TOMM34: variants seen among roughly 807,000 people sequenced by gnomAD.
TOMM34 encodes mitochondrial import receptor subunit TOM34.
In TOMM34, 24 loss-of-function variants were observed where a neutral mutation model predicts 37.4. The ratio of observed to expected loss-of-function variants is 0.64; its 90% confidence interval spans 0.46 to 0.90. The LOEUF (loss-of-function observed/expected upper bound fraction) is 0.90, where lower values mean the gene tolerates loss of function less well. Ranked by LOEUF, TOMM34 falls within the 40% of genes least tolerant of loss-of-function variation. TOMM34 has a pLI of 0.00. For synonymous variants in TOMM34, 154 were observed against 148.9 expected, an observed-to-expected ratio of 1.03 and a Z score of -0.25; for missense variants, 304 against 375.6, an observed-to-expected ratio of 0.81 and a Z score of 1.58.
At chr20:44,950,487 G>A (rs2067016768) in intron 4 of TOMM34, among the ~76,000 whole-genome samples, 1 of 152,218 alleles carries the variant, frequency 6.6e-6, no homozygotes, top group Non-Finnish European at 1.5e-5. Flanking sequence ...GGCCAAGACT[G>A]TCCTCTGTGT....
chr20:44,950,563 T>C (rs2067017563), intron 4 of TOMM34, among the ~76,000 whole-genome samples: 1 of 152,156 alleles, frequency 6.6e-6, no homozygotes, highest in Non-Finnish European at 1.5e-5. Context: ...ATGAAATCAA[T>C]GGTAGGTGCA....
intron 5 of TOMM34, among the ~76,000 whole-genome samples, chr20:44,947,452 G>T (rs1432041343): frequency 6.6e-6 from 1 of 152,186 alleles, no homozygotes; most frequent in Non-Finnish European, 1.5e-5. Context: ...CCCAGACACT[G>T]CTGGGGTGTT....
At chr20:44,958,326 T>A in intron 1 of TOMM34, 2 of 471,022 alleles carry the variant, frequency 4.2e-6, no homozygotes, top group Non-Finnish European at 8.8e-6. Context: ...TTTCCCCTCT[T>A]GTTTTGCCAG....
intron 4 of TOMM34, among the ~76,000 whole-genome samples, chr20:44,949,869 T>C (rs2067011704): frequency 6.6e-6 from 1 of 152,216 alleles, no homozygotes; most frequent in Non-Finnish European, 1.5e-5. Context: ...TTACTTTGTT[T>C]TTGAACTTCA....
intron 5 of TOMM34, 148 bp downstream of exon 5, chr20:44,948,582 G>T: frequency 3.0e-6 from 3 of 987,762 alleles, no homozygotes; most frequent in Non-Finnish European, 2.9e-6. Flanking sequence ...AATGCCACTG[G>T]TCATGGCTAG....
chr20:44,952,749 A>G, intron 3 of TOMM34: 1 of 710,816 alleles, frequency 1.4e-6, no homozygotes, highest in Non-Finnish European at 2.6e-6. Context: ...TTATGTGTTG[A>G]ATGAGTGAAT....
intron 3 of TOMM34, among the ~76,000 whole-genome samples, chr20:44,954,052 A>G (rs1216931286): frequency 6.6e-6 from 1 of 152,172 alleles, no homozygotes; most frequent in Admixed American, 6.5e-5. Flanking sequence ...GTGATCTGTC[A>G]CACTTGCTCA....
At chr20:44,944,792 C>T (rs2066966523) in intron 5 of TOMM34, among the ~76,000 whole-genome samples, 1 of 152,210 alleles carries the variant, frequency 6.6e-6, no homozygotes, top group Admixed American at 6.5e-5. Context: ...TACAACTGTA[C>T]CAACTTTGGG....
At position 44,956,260 on chromosome 20, in the gene TOMM34, G is replaced by A. The variant is rs995269751; in HGVS notation, c.227+126C>T. Reference sequence around the variant, plus strand: ...TCTCAGTGACCTGGTGAAACTCAGTGACACTTTCTTAATATCTGTCCCAGA... The same window carrying A: ...TCTCAGTGACCTGGTGAAACTCAGTAACACTTTCTTAATATCTGTCCCAGA... On this transcript the variant is annotated intron_variant, in intron 2 of 6. Coordinates refer to ENST00000372813, the MANE Select transcript of TOMM34 (RefSeq NM_006809.5). 36 of 932,656 alleles carry A rather than the reference G, an allele frequency of 3.9e-5. No homozygotes were observed. The African/African-American group carries it at 5.3e-4, about 14-fold the overall frequency. The allele number at this position is 932,656 out of a possible 1,614,324, so 57.8% of individuals were successfully genotyped here.
chr20:44,959,819 C>A (rs1186940413), intron 1 of TOMM34: 12 of 577,664 alleles, frequency 2.1e-5, no homozygotes, highest in Non-Finnish European at 2.6e-5. Context: ...CTTACTGACT[C>A]GCTTAAGACT....
chr20:44,942,745 G>A lies in TOMM34; in HGVS notation c.*364C>T. ...TGAACTGCAGTGAGTTGGGGTCTGG[G>A]GAAGCTACAAGGGCAGCACTCAGTC... On this transcript the variant is annotated 3_prime_UTR_variant, in exon 7 of 7. Transcript: ENST00000372813. The A allele has an allele frequency of 3.7e-6, 1 of 267,528 alleles. No individual in the cohort carries two copies. The highest frequency in any genetic ancestry group is 5.9e-5 in the South Asian group (1 of 16,898). The allele number at this position is 267,528 out of a possible 1,614,324, so 16.6% of individuals were successfully genotyped here. A position where few individuals can be genotyped will look rare whatever the true frequency, so the allele number is the denominator to read the frequency against.
At chr20:44,947,676 T>G (rs2066992077) in intron 5 of TOMM34, among the ~76,000 whole-genome samples, 1 of 152,186 alleles carries the variant, frequency 6.6e-6, no homozygotes, top group African/African-American at 2.4e-5. Flanking sequence ...TTTTTTGTAT[T>G]TTTAGTAGAG....
chr20:44,959,412 G>A (rs369547296), intron 1 of TOMM34, among the ~76,000 whole-genome samples: 20 of 152,148 alleles, frequency 1.3e-4, no homozygotes, highest in East Asian at 7.7e-4. Flanking sequence ...CTATTCTTCT[G>A]TTTCAAACTC....
intron 3 of TOMM34, among the ~76,000 whole-genome samples, chr20:44,953,893 A>C (rs1401891591): frequency 6.6e-6 from 1 of 152,080 alleles, no homozygotes; most frequent in Non-Finnish European, 1.5e-5. Context: ...ATGTTGCTCC[A>C]CTGCTAAAGA....
chr20:44,956,678 T>C (rs1377812200), intron 1 of TOMM34, among the ~76,000 whole-genome samples, 193 bp from the exon 2 acceptor site: 10 of 152,184 alleles, frequency 6.6e-5, no homozygotes, highest in Admixed American at 6.5e-4. Flanking sequence ...CTGCGCTTTT[T>C]GCCATTCAAA....
intron 3 of TOMM34, among the ~76,000 whole-genome samples, chr20:44,952,486 C>T (rs1300807000): frequency 1.3e-5 from 2 of 152,152 alleles, no homozygotes; most frequent in East Asian, 1.9e-4. Context: ...ATCTGGTCCC[C>T]ACCCCTTCCT....
At position 44,960,265 on chromosome 20, in the gene TOMM34, G is replaced by T. The variant is rs746123677; in HGVS notation, c.69C>A (p.Gly23=). Residue 23 remains glycine, a synonymous_variant, in exon 1 of 7, where the codon GGC becomes GGA. Coordinates refer to ENST00000372813, the MANE Select transcript of TOMM34 (RefSeq NM_006809.5). ...AGAGCGCGGAGGCCTCGGCGTACTG[G>T]CCGTTGCGGAAACTCTCATTGCCGG... ...RAAGNESFRN[G]QYAEASALYG... 1.3e-6 allele frequency: 2 copies of T among 1,575,988 alleles called. No homozygotes were observed. Among genetic ancestry groups the T allele is most frequent in the African/African-American group, 2.7e-5 (2 of 73,262 alleles).
chr20:44,959,277 C>T (rs1271156038), intron 1 of TOMM34, among the ~76,000 whole-genome samples: 1 of 152,176 alleles, frequency 6.6e-6, no homozygotes, highest in East Asian at 1.9e-4. Flanking sequence ...TCCAAGGCTC[C>T]TTTCAAAAGT....
chr20:44,943,571 C>T lies in TOMM34; in HGVS notation c.707G>A (p.Cys236Tyr). 1 of 1,614,140 alleles carries T rather than the reference C, an allele frequency of 6.2e-7. No individual in the cohort carries two copies. The highest frequency in any genetic ancestry group is 8.5e-7 in the Non-Finnish European group (1 of 1,180,032). Residue 236 changes from cysteine (C) to tyrosine (Y), a missense_variant, in exon 6 of 7, where the codon TGC (cysteine) becomes TAC (tyrosine). Cys to Tyr is a radical substitution (Grantham distance 194). Coordinates refer to ENST00000372813, the MANE Select transcript of TOMM34 (RefSeq NM_006809.5). ...ESATYSNRAL[C>Y]YLVLKQYTEA... ...TGTGTACTGCTTCAGGACCAAATAG[C>T]AGAGTGCTCTGAAGGGAAAGACCAT...
Sources: gnomAD v4.1 joint callset for allele counts (sites outside exome capture counted in the v4.1 genomes callset) on GRCh38, gnomAD v4.1.1 for gene constraint, MANE v1.5 for transcripts, NCBI Gene and HGNC (gene_info 2026-07-23, HGNC 2026-07-21) for gene names.